PLCXD3: variants seen among roughly 807,000 people sequenced by gnomAD.
PLCXD3 encodes PI-PLC X domain-containing protein 3.
Under a neutral mutation model 25.5 loss-of-function variants are expected in PLCXD3, and 19 were observed. The observed-to-expected ratio is 0.75, with a 90% CI of 0.52 to 1.09. PLCXD3 has a LOEUF of 1.09. Among genes scored for constraint, PLCXD3 ranks in the 50% least tolerant of loss-of-function variants. The probability of loss-of-function intolerance (pLI) is 0.00; values close to 1 mark genes in which losing one functional copy is unlikely to be tolerated. For missense variants in PLCXD3, 411 were observed against 388.1 expected (o/e 1.06, Z -0.50); for synonymous variants, 174 against 137.6 (o/e 1.26, Z -1.85).
chr5:41,446,176 CAAAA>C (rs70988847), intron 1 of PLCXD3, among the ~76,000 whole-genome samples: 1,194 of 38,090 alleles, frequency 0.031, 25 homozygotes, highest in African/African-American at 0.087. Context: ...GACTCCTTCT[CAAAA>C]AAAAAAAAAA....
chr5:41,391,062 C>T (rs1017231384), intron 1 of PLCXD3, among the ~76,000 whole-genome samples: 5 of 152,200 alleles, frequency 3.3e-5, no homozygotes, highest in South Asian at 2.1e-4. Context: ...GTGGTCCAAA[C>T]TTGACTGCCT....
chr5:41,399,014 A>G (rs552317698), intron 1 of PLCXD3, among the ~76,000 whole-genome samples: 16 of 152,272 alleles, frequency 1.1e-4, no homozygotes, highest in African/African-American at 3.4e-4. Flanking sequence ...TGCAGGATAT[A>G]AAATCAACAT....
At chr5:41,334,340 T>A (rs1743920351) in intron 2 of PLCXD3, among the ~76,000 whole-genome samples, 1 of 152,132 alleles carries the variant, frequency 6.6e-6, no homozygotes, top group Non-Finnish European at 1.5e-5. Flanking sequence ...TTGATACTAT[T>A]ACTCAAATGT....
intron 1 of PLCXD3, among the ~76,000 whole-genome samples, chr5:41,484,090 A>G (rs1748467739): frequency 6.6e-6 from 1 of 152,160 alleles, no homozygotes; most frequent in South Asian, 2.1e-4. Flanking sequence ...CAAGACTGCC[A>G]GTTATGACCC....
rs1251887097 is a variant in PLCXD3, at chr5:41,311,268, A to T, written c.*2349T>A. On this transcript the variant is annotated 3_prime_UTR_variant, in exon 3 of 3. Coordinates refer to ENST00000377801, the MANE Select transcript of PLCXD3 (RefSeq NM_001005473.3). ...TAAAAGGATTCATATACATTTTCAC[A>T]TAAAGAGCAGGTGTAAAAGACAGAA... The T allele has an allele frequency of 1.3e-5, 2 of 152,128 alleles. No individual in the cohort carries two copies. Among genetic ancestry groups the T allele is most frequent in the Non-Finnish European group, 2.9e-5 (2 of 68,004 alleles). The allele number at this position is 152,128 out of a possible 1,614,324, so 9.4% of individuals were successfully genotyped here.
chr5:41,420,029 T>A (rs1022150190), intron 1 of PLCXD3, among the ~76,000 whole-genome samples: 7 of 152,212 alleles, frequency 4.6e-5, no homozygotes, highest in Non-Finnish European at 7.3e-5. Flanking sequence ...TTTTTATTTT[T>A]AAATTTTAAT....
chr5:41,352,528 G>A (rs1038247390), intron 2 of PLCXD3, among the ~76,000 whole-genome samples: 3 of 152,144 alleles, frequency 2.0e-5, no homozygotes, highest in African/African-American at 7.2e-5. Flanking sequence ...ATAAATTTAT[G>A]ATAATTAGCC....
chr5:41,453,359 T>A (rs1747680598), intron 1 of PLCXD3, among the ~76,000 whole-genome samples: 1 of 151,892 alleles, frequency 6.6e-6, no homozygotes, highest in Non-Finnish European at 1.5e-5. Context: ...CTCTGTCTTT[T>A]TTTTTTTTTA....
chr5:41,493,321 T>A lies in PLCXD3; in HGVS notation c.103+17103A>T, dbSNP rs1748749366. Among the ~76,000 whole-genome samples, 4 of 152,188 alleles carry A rather than the reference T, an allele frequency of 2.6e-5. No individual in the cohort carries two copies. In the South Asian group the frequency reaches 8.3e-4, roughly 32 times the overall value. On this transcript the variant is annotated intron_variant, in intron 1 of 2. Transcript: ENST00000377801. ...TGTCTCAGAGGAGTACCTGGCCGTG[T>A]GAGGTGTCAGTCTGCCCCTACTGGG...
chr5:41,421,404 A>C (rs1401361695), intron 1 of PLCXD3, among the ~76,000 whole-genome samples: 2 of 152,258 alleles, frequency 1.3e-5, no homozygotes, highest in Non-Finnish European at 2.9e-5. Flanking sequence ...GCAGATCCTT[A>C]AAAAATACTC....
chr5:41,424,992 T>C (rs1746920737), intron 1 of PLCXD3, among the ~76,000 whole-genome samples: 1 of 152,238 alleles, frequency 6.6e-6, no homozygotes, highest in Non-Finnish European at 1.5e-5. Flanking sequence ...ATTGTGGATT[T>C]AGTTATTAAA....
chr5:41,443,619 G>C (rs1747431034), intron 1 of PLCXD3, among the ~76,000 whole-genome samples: 1 of 152,198 alleles, frequency 6.6e-6, no homozygotes, highest in Non-Finnish European at 1.5e-5. Flanking sequence ...AGAGCATGGA[G>C]GGTGAAAAGA....
At chr5:41,432,492 T>A (rs1289415719) in intron 1 of PLCXD3, among the ~76,000 whole-genome samples, 1 of 152,206 alleles carries the variant, frequency 6.6e-6, no homozygotes, top group Admixed American at 6.5e-5. Flanking sequence ...TCATTCCTTA[T>A]TTGATAGGGT....
intron 1 of PLCXD3, among the ~76,000 whole-genome samples, chr5:41,412,585 C>A (rs2150503779): frequency 6.6e-6 from 1 of 152,284 alleles, no homozygotes; most frequent in East Asian, 1.9e-4. Context: ...TTGCCACTCG[C>A]CCTTGATAAT....
chr5:41,507,172 A>G (rs549340273), intron 1 of PLCXD3, among the ~76,000 whole-genome samples: 2 of 152,176 alleles, frequency 1.3e-5, no homozygotes, highest in Non-Finnish European at 2.9e-5. Flanking sequence ...AATTTTCATC[A>G]GTCTCACTTT....
intron 1 of PLCXD3, among the ~76,000 whole-genome samples, chr5:41,397,190 C>T (rs1746033042): frequency 6.6e-6 from 1 of 152,176 alleles, no homozygotes; most frequent in African/African-American, 2.4e-5. Flanking sequence ...GCAGCCCCTC[C>T]TATCACAGGC....
intron 2 of PLCXD3, among the ~76,000 whole-genome samples, chr5:41,379,726 A>G (rs1580337022): frequency 1.3e-5 from 2 of 152,194 alleles, no homozygotes; most frequent in Admixed American, 6.5e-5. Flanking sequence ...GCCTCTTCAG[A>G]TCTTCAGTAA....
intron 1 of PLCXD3, among the ~76,000 whole-genome samples, chr5:41,474,811 C>T (rs1458691183): frequency 1.3e-5 from 2 of 152,140 alleles, no homozygotes; most frequent in Admixed American, 6.5e-5. Flanking sequence ...GACTTTTACC[C>T]AGAATTAATC....
intron 2 of PLCXD3, among the ~76,000 whole-genome samples, chr5:41,325,860 G>A (rs1743610830): frequency 6.6e-6 from 1 of 152,204 alleles, no homozygotes; most frequent in Non-Finnish European, 1.5e-5. Context: ...AGAAGTCCAA[G>A]ATCAATGTGC....
Sources: gnomAD v4.1 joint callset for allele counts (sites outside exome capture counted in the v4.1 genomes callset) on GRCh38, gnomAD v4.1.1 for gene constraint, MANE v1.5 for transcripts, NCBI Gene and HGNC (gene_info 2026-07-23, HGNC 2026-07-21) for gene names.